Variants in AAK1 observed in about 807,000 individuals in gnomAD.
AAK1 encodes AP2-associated protein kinase 1.
A neutral mutation model predicts 116.0 loss-of-function variants in AAK1; 37 were observed. The ratio of observed to expected loss-of-function variants is 0.32; its 90% confidence interval spans 0.25 to 0.42. AAK1 has a LOEUF of 0.42. AAK1 is among the 10% of genes least tolerant of loss of function. AAK1 has a pLI of 1.00. For synonymous variants in AAK1, 458 were observed against 439.9 expected, an observed-to-expected ratio of 1.04 and a Z score of -0.51; for missense variants, 919 against 1,170.6, an observed-to-expected ratio of 0.79 and a Z score of 3.14.
At chr2:69,584,544 T>C (rs925072068) in intron 2 of AAK1, among the ~76,000 whole-genome samples, 1 of 152,214 alleles carries the variant, frequency 6.6e-6, no homozygotes, top group Non-Finnish European at 1.5e-5. Flanking sequence ...TTGTTTCAAG[T>C]TGGGAACTTG....
chr2:69,509,449 T>G lies in AAK1; in HGVS notation c.1788A>C (p.Pro596=). The change falls in exon 14 of 22, where the codon CCA becomes CCC. Residue 596 remains proline, a synonymous_variant. Coordinates refer to ENST00000409085, the MANE Select transcript of AAK1 (RefSeq NM_014911.5). ...TCTGAACCTTTGGCTGTTGTCTTACTGGGGCTTGAATCTGCTAGGAAGAGA... is the reference window on the plus strand; with the variant it reads ...TCTGAACCTTTGGCTGTTGTCTTACGGGGGCTTGAATCTGCTAGGAAGAGA... ...APAQEPAIQA[P]VRQQPKVQTT... is the part of the protein sequence containing the mutation. 6.2e-7 allele frequency: 1 copy of G among 1,613,558 alleles called. No homozygotes were observed. Among genetic ancestry groups the G allele is most frequent in the East Asian group, 2.2e-5 (1 of 44,880 alleles).
intron 2 of AAK1, among the ~76,000 whole-genome samples, chr2:69,571,035 C>T (rs1276443816): frequency 6.6e-6 from 1 of 151,982 alleles, no homozygotes; most frequent in African/African-American, 2.4e-5. Flanking sequence ...GATTTTTTTA[C>T]CCTGATTATA....
At chr2:69,638,546 T>TA (rs1317003825) in intron 2 of AAK1, among the ~76,000 whole-genome samples, 5 of 152,208 alleles carry the variant, frequency 3.3e-5, no homozygotes, top group African/African-American at 1.2e-4. Flanking sequence ...GGGAGCAACT[T>TA]AAAGAATTTC....
chr2:69,511,217 G>C (rs992577582), intron 13 of AAK1, among the ~76,000 whole-genome samples: 2 of 152,142 alleles, frequency 1.3e-5, no homozygotes, highest in African/African-American at 4.8e-5. Flanking sequence ...ACAAAGGCAG[G>C]CCCTGAGACA....
intron 5 of AAK1, among the ~76,000 whole-genome samples, chr2:69,539,127 C>T (rs1455232811): frequency 2.0e-5 from 3 of 152,004 alleles, no homozygotes; most frequent in Admixed American, 6.6e-5. Flanking sequence ...AACTCAGGCT[C>T]GGAGAGGCTA....
chr2:69,533,905 A>G (rs1052516996), intron 5 of AAK1, among the ~76,000 whole-genome samples: 2 of 152,242 alleles, frequency 1.3e-5, no homozygotes, highest in African/African-American at 4.8e-5. Flanking sequence ...TGAGGCACGC[A>G]AATATTTCCA....
chr2:69,602,634 G>A (rs1386742946), intron 2 of AAK1, among the ~76,000 whole-genome samples: 1 of 152,112 alleles, frequency 6.6e-6, no homozygotes, highest in East Asian at 1.9e-4. Flanking sequence ...AGGACAAGAT[G>A]AGTGAAAAGT....
In AAK1 at chr2:69,643,006, C is replaced by A. The variant is rs762161722; in HGVS notation, c.35G>T (p.Gly12Val). ...GGAGCCGGAGCCCAGGCCAGAGCCG[C>A]CCTGCTCTCGCCGGGAGTCGAAAAA... ...KKFFDSRREQ[G>V]GSGLGSGSSG... is the part of the protein sequence containing the mutation. Residue 12 changes from glycine (G) to valine (V), a missense_variant, in exon 2 of 22, where the codon GGC becomes GTC. Coordinates refer to ENST00000409085, the MANE Select transcript of AAK1 (RefSeq NM_014911.5). The A allele has an allele frequency of 1.2e-6, 2 of 1,611,504 alleles. No homozygotes were observed. Among genetic ancestry groups the A allele is most frequent in the Admixed American group, 3.4e-5 (2 of 59,592 alleles).
At chr2:69,578,067 G>C (rs1371616608) in intron 2 of AAK1, among the ~76,000 whole-genome samples, 1 of 152,036 alleles carries the variant, frequency 6.6e-6, no homozygotes, top group African/African-American at 2.4e-5. Flanking sequence ...GCTGTTAAAG[G>C]GAACAGGGCC....
chr2:69,490,080 A>T (rs914610775), intron 17 of AAK1, among the ~76,000 whole-genome samples: 4 of 151,064 alleles, frequency 2.6e-5, no homozygotes, highest in African/African-American at 7.4e-5. Flanking sequence ...GCACTTTTTT[A>T]AAAAAGTTTT....
chr2:69,495,648 C>G (rs1268312353), intron 17 of AAK1, among the ~76,000 whole-genome samples: 1 of 152,154 alleles, frequency 6.6e-6, no homozygotes, highest in East Asian at 1.9e-4. Context: ...CTTACAGCCT[C>G]CCCACCATTG....
intron 5 of AAK1, among the ~76,000 whole-genome samples, chr2:69,540,278 C>A (rs1670652558): frequency 6.6e-6 from 1 of 152,108 alleles, no homozygotes; most frequent in Non-Finnish European, 1.5e-5. Flanking sequence ...CCAGCCACCA[C>A]ACCCAGCTAA....
chr2:69,533,939 C>T (rs1416641655), intron 5 of AAK1, among the ~76,000 whole-genome samples: 1 of 152,154 alleles, frequency 6.6e-6, no homozygotes, highest in South Asian at 2.1e-4. Flanking sequence ...TTTTATAAAG[C>T]TCACCAGTTT....
rs1670452131 is a variant in AAK1 at position 69,535,961 on chromosome 2, T to C, written c.535-3799A>G. On this transcript the variant is annotated intron_variant, in intron 5 of 21. Transcript: ENST00000409085. ...TAACAGTAGCAACTAACAGCACTTA[T>C]TAAGTGCCAGACACTGCTCCACGCG... is the stretch of plus-strand genomic sequence containing the variant. 2.0e-5 allele frequency among the ~76,000 whole-genome samples: 3 copies of C among 152,344 alleles called. No individual in the cohort carries two copies. In the South Asian group the frequency reaches 6.2e-4, roughly 32 times the overall value.
intron 17 of AAK1, among the ~76,000 whole-genome samples, chr2:69,485,291 T>C (rs1327036394): frequency 6.6e-6 from 1 of 152,256 alleles, no homozygotes; most frequent in Non-Finnish European, 1.5e-5. Flanking sequence ...GTGCAAAACC[T>C]CAGGCTAGCA....
At position 69,474,906 on chromosome 2, in the gene AAK1, T is replaced by C. The variant is rs1034537157; in HGVS notation, c.*963A>G. Reference sequence around the variant, plus strand: ...TTTATACACAATTTACAATATTTGATTCAAAATAAAAATCACAAGAAAAAT... The same window carrying C: ...TTTATACACAATTTACAATATTTGACTCAAAATAAAAATCACAAGAAAAAT... On this transcript the variant is annotated 3_prime_UTR_variant, in exon 22 of 22. Coordinates refer to ENST00000409085, the MANE Select transcript of AAK1 (RefSeq NM_014911.5). The C allele has an allele frequency of 1.0e-6, 1 of 985,690 alleles. No individual in the cohort carries two copies. Among genetic ancestry groups the C allele is most frequent in the Non-Finnish European group, 1.2e-6 (1 of 829,916 alleles). The allele number at this position is 985,690 out of a possible 1,614,324, so 61.1% of individuals were successfully genotyped here.
chr2:69,589,281 A>G (rs969388910), intron 2 of AAK1, among the ~76,000 whole-genome samples: 3 of 152,228 alleles, frequency 2.0e-5, no homozygotes, highest in African/African-American at 7.2e-5. Context: ...AGTTGAAAAT[A>G]TAATTATTGG....
chr2:69,502,732 C>G (rs904406271), intron 16 of AAK1, among the ~76,000 whole-genome samples: 1 of 152,028 alleles, frequency 6.6e-6, no homozygotes, highest in Non-Finnish European at 1.5e-5. Flanking sequence ...CACTATTAAT[C>G]GAAACAAAAT....
chr2:69,505,683 CA>C lies in AAK1; in HGVS notation c.2165-11del. 3 of 1,605,630 alleles carry C rather than the reference CA, an allele frequency of 1.9e-6. No individual in the cohort carries two copies. Among genetic ancestry groups the C allele is most frequent in the South Asian group, 2.2e-5 (2 of 90,676 alleles). Reference sequence around the variant, plus strand: ...TTCTCGGGATGTTTGCCTGGAGAGACAAAACACCACTCAGTTCATTCTAGCA... The same window carrying C: ...TTCTCGGGATGTTTGCCTGGAGAGACAAACACCACTCAGTTCATTCTAGCA... On this transcript the variant is annotated splice_polypyrimidine_tract_variant and intron_variant, in intron 15 of 21. Transcript: ENST00000409085.
Sources: allele counts gnomAD v4.1 joint callset (sites outside exome capture counted in the v4.1 genomes callset), GRCh38; gene constraint gnomAD v4.1.1; transcripts MANE v1.5; gene names NCBI Gene and HGNC (gene_info 2026-07-23, HGNC 2026-07-21).